The following RASEF variants were observed in gnomAD, a reference collection of about 807,000 sequenced individuals.
RASEF encodes ras and EF-hand domain-containing protein.
RASEF carries 68 observed loss-of-function variants against 90.1 expected under a neutral mutation model. That is an observed-to-expected ratio of 0.75 (90% confidence interval 0.62 to 0.92). The LOEUF (loss-of-function observed/expected upper bound fraction) is 0.92. Among genes scored for constraint, RASEF ranks in the 40% least tolerant of loss-of-function variants. RASEF has a pLI of 0.00. For missense variants in RASEF, 949 were observed against 937.2 expected (o/e 1.01, Z -0.16); for synonymous variants, 331 against 345.2 (o/e 0.96, Z 0.46).
At chr9:83,165,223 G>A in the RASEF span, among the ~76,000 whole-genome samples, 6 of 152,066 alleles carry the variant, frequency 3.9e-5, no homozygotes, top group South Asian at 8.3e-4. Flanking sequence ...AAGCACATGT[G>A]GGACATTCAC....
chr9:83,108,057 G>A, the RASEF span, among the ~76,000 whole-genome samples: 14 of 152,160 alleles, frequency 9.2e-5, no homozygotes, highest in Non-Finnish European at 2.1e-4. Context: ...AAAGAGAAAA[G>A]TGGTTACTTC....
At chr9:83,143,067 T>G in the RASEF span, among the ~76,000 whole-genome samples, 1 of 152,220 alleles carries the variant, frequency 6.6e-6, no homozygotes, top group Non-Finnish European at 1.5e-5. Flanking sequence ...ATTAAGTGAC[T>G]GTTATGGACT....
intron 4 of RASEF, among the ~76,000 whole-genome samples, chr9:83,014,487 T>C (rs1829306806): frequency 6.6e-6 from 1 of 152,098 alleles, no homozygotes; most frequent in African/African-American, 2.4e-5. Flanking sequence ...TTTATTTATT[T>C]ATTTATTTTT....
the RASEF span, among the ~76,000 whole-genome samples, chr9:83,184,603 C>T: frequency 6.6e-6 from 1 of 152,102 alleles, no homozygotes; most frequent in African/African-American, 2.4e-5. Context: ...TCAATCTTCA[C>T]TTCAAAGACA....
At chr9:83,203,658 T>C in the RASEF span, among the ~76,000 whole-genome samples, 1 of 152,178 alleles carries the variant, frequency 6.6e-6, no homozygotes, top group Non-Finnish European at 1.5e-5. Context: ...CCAGGTCTGT[T>C]CTGAAGGTGG....
chr9:83,135,954 T>A, the RASEF span, among the ~76,000 whole-genome samples: 1 of 152,132 alleles, frequency 6.6e-6, no homozygotes, highest in African/African-American at 2.4e-5. Context: ...TAAGTAATTA[T>A]TACGGTTTCC....
At chr9:83,005,578 G>C (rs1482908020) in intron 7 of RASEF, 78 bp from the exon 8 acceptor site, 1 of 1,065,702 alleles carries the variant, frequency 9.4e-7, no homozygotes, top group Non-Finnish European at 1.5e-6. Flanking sequence ...TTCTTTTCTA[G>C]CTGTAACATT....
At chr9:83,157,697 AAT>A in the RASEF span, among the ~76,000 whole-genome samples, 1 of 152,218 alleles carries the variant, frequency 6.6e-6, no homozygotes, top group African/African-American at 2.4e-5. Context: ...ATTATTTGAT[AAT>A]ATAGTTTTAA....
chr9:83,048,131 G>T, intron 1 of RASEF: 1 of 985,402 alleles, frequency 1.0e-6, no homozygotes, highest in Non-Finnish European at 1.2e-6. Context: ...TGGCTCTGGA[G>T]GCCTCCACGT....
At chr9:83,151,401 G>A in the RASEF span, among the ~76,000 whole-genome samples, 1 of 152,092 alleles carries the variant, frequency 6.6e-6, no homozygotes, top group African/African-American at 2.4e-5. Flanking sequence ...GACCAGAAAC[G>A]GGCTGTGTTA....
chr9:83,199,381 C>G, the RASEF span, among the ~76,000 whole-genome samples: 1 of 152,052 alleles, frequency 6.6e-6, no homozygotes, highest in Admixed American at 6.6e-5. Context: ...CTCGCACCAT[C>G]GCAGCCTGTC....
chr9:83,138,180 T>A, the RASEF span, among the ~76,000 whole-genome samples: 2 of 152,064 alleles, frequency 1.3e-5, 1 homozygote, highest in Non-Finnish European at 2.9e-5. Context: ...CCTGAATCTG[T>A]TGTCCAAATA....
the RASEF span, among the ~76,000 whole-genome samples, chr9:83,167,239 G>GA: frequency 4.0e-4 from 59 of 145,876 alleles, no homozygotes; most frequent in Admixed American, 4.8e-4. Context: ...GATAACCTCA[G>GA]AAAAAAAAAA....
chr9:83,014,606 C>T (rs1170736045), intron 4 of RASEF, among the ~76,000 whole-genome samples: 2 of 152,196 alleles, frequency 1.3e-5, no homozygotes, highest in East Asian at 1.9e-4. Context: ...ACATGAGCCA[C>T]CATGCCCAGC....
At chr9:83,212,193 A>G in the RASEF span, among the ~76,000 whole-genome samples, 551 of 152,366 alleles carry the variant, frequency 3.6e-3, 12 homozygotes, top group East Asian at 0.07. Flanking sequence ...AACAGAAGAC[A>G]GATAGGTTAA....
chr9:83,137,517 A>G, the RASEF span, among the ~76,000 whole-genome samples: 1 of 152,174 alleles, frequency 6.6e-6, no homozygotes, highest in African/African-American at 2.4e-5. Context: ...TGACAAAGAA[A>G]GAGAAAGAGC....
upstream of RASEF, among the ~76,000 whole-genome samples, chr9:83,068,089 G>A (rs183146796): frequency 3.1e-3 from 477 of 152,222 alleles, 2 homozygotes; most frequent in African/African-American, 0.011. Context: ...GCCCAGACTG[G>A]TCTCAAACAC....
At chr9:83,171,556 G>T in the RASEF span, among the ~76,000 whole-genome samples, 1 of 151,800 alleles carries the variant, frequency 6.6e-6, no homozygotes, top group Non-Finnish European at 1.5e-5. Context: ...AAGGCATCAG[G>T]TCCTGGACTT....
upstream of RASEF, among the ~76,000 whole-genome samples, chr9:83,063,357 C>T (rs1468911683): frequency 6.6e-6 from 1 of 152,200 alleles, no homozygotes; most frequent in African/African-American, 2.4e-5. Context: ...TAGAGCCCAG[C>T]GCTCCGCTTC....
Sources: gnomAD v4.1 joint callset for allele counts (sites outside exome capture counted in the v4.1 genomes callset) on GRCh38, gnomAD v4.1.1 for gene constraint, MANE v1.5 for transcripts, NCBI Gene and HGNC (gene_info 2026-07-23, HGNC 2026-07-21) for gene names.